FOXP1: variants seen among roughly 807,000 people sequenced by gnomAD.
FOXP1 encodes forkhead box P1.
FOXP1 carries 15 observed loss-of-function variants against 98.2 expected under a neutral mutation model. The ratio of observed to expected loss-of-function variants is 0.15; its 90% CI spans 0.10 to 0.24. FOXP1 has a LOEUF of 0.24. Ranked by LOEUF, FOXP1 falls within the 10% of genes least tolerant of loss-of-function variation. The pLI is 1.00. For synonymous variants in FOXP1, 371 were observed against 314.5 expected, an observed-to-expected ratio of 1.18 and a Z score of -1.90; for missense variants, 633 against 848.5, an observed-to-expected ratio of 0.75 and a Z score of 3.15.
At chr3:71,031,486 AT>A (rs1183238329) in intron 11 of FOXP1, among the ~76,000 whole-genome samples, 1 of 152,118 alleles carries the variant, frequency 6.6e-6, no homozygotes. Flanking sequence ...CTCCTGGTGA[AT>A]TTTCCAAAGT....
intron 4 of FOXP1, among the ~76,000 whole-genome samples, chr3:71,342,933 T>G (rs2077098703): frequency 6.6e-6 from 1 of 152,226 alleles, no homozygotes; most frequent in Non-Finnish European, 1.5e-5. Context: ...TTACTTCTTC[T>G]GTAACTCTAG....
At chr3:70,994,457 C>T (rs3914985) in intron 13 of FOXP1, among the ~76,000 whole-genome samples, 4,581 of 152,228 alleles carry the variant, frequency 0.03, 88 homozygotes, top group South Asian at 0.06. Context: ...ATCTAGGCAA[C>T]GTCTTCCATG....
intron 4 of FOXP1, chr3:71,329,810 C>T (rs75800575): frequency 6.6e-6 from 1 of 152,084 alleles, no homozygotes; most frequent in African/African-American, 2.4e-5. Flanking sequence ...ATACATGTTC[C>T]AAAACAGTAT....
In FOXP1 at chr3:71,522,951, T is replaced by G. The variant is rs565484238; in HGVS notation, c.-297-29396A>C. On this transcript the variant is annotated intron_variant, in intron 2 of 20. Transcript: ENST00000649528. Reference sequence around the variant, plus strand: ...CATTTAACTTTCCTGAATTCAACTATATGAACTGAGCGAAAAGAGAAGGTG... The same window carrying G: ...CATTTAACTTTCCTGAATTCAACTAGATGAACTGAGCGAAAAGAGAAGGTG... Among the ~76,000 whole-genome samples, 3 of 152,292 alleles carry G rather than the reference T, an allele frequency of 2.0e-5. 1 individual carries two copies. The South Asian group carries it at 6.2e-4, about 32-fold the overall frequency.
chr3:71,109,990 G>A (rs1031444108), intron 7 of FOXP1, among the ~76,000 whole-genome samples: 8 of 152,026 alleles, frequency 5.3e-5, no homozygotes, highest in Non-Finnish European at 1.0e-4. Flanking sequence ...CAAAACCAGC[G>A]TTCAAGATTA....
At chr3:70,959,677 C>T (rs1167989545) in intron 20 of FOXP1, among the ~76,000 whole-genome samples, 4 of 152,194 alleles carry the variant, frequency 2.6e-5, no homozygotes, top group Non-Finnish European at 4.4e-5. Flanking sequence ...TGCATCACTG[C>T]GTAAAGTTCT....
intron 3 of FOXP1, among the ~76,000 whole-genome samples, chr3:71,473,153 C>A (rs571806002): frequency 6.6e-6 from 1 of 152,288 alleles, no homozygotes; most frequent in African/African-American, 2.4e-5. Flanking sequence ...TTTAATCTCA[C>A]AGGAGCTCTC....
chr3:71,100,086 GTCT>G (rs1178365152), intron 7 of FOXP1, among the ~76,000 whole-genome samples: 1 of 152,288 alleles, frequency 6.6e-6, no homozygotes, highest in Non-Finnish European at 1.5e-5. Flanking sequence ...GGTCAGATAG[GTCT>G]ATGGCAAGCT....
intron 2 of FOXP1, among the ~76,000 whole-genome samples, chr3:71,569,901 G>A (rs1354703629): frequency 6.6e-6 from 1 of 151,862 alleles, no homozygotes; most frequent in Non-Finnish European, 1.5e-5. Flanking sequence ...TCCTGCCTCA[G>A]CCTCCCGAGT....
At chr3:71,497,789 CACTTCACT>C (rs1397009159) in intron 2 of FOXP1, among the ~76,000 whole-genome samples, 2 of 152,150 alleles carry the variant, frequency 1.3e-5, no homozygotes. Context: ...TGTTCTTTTC[CACTTCACT>C]ACAGCCCCAG....
At chr3:71,558,830 T>A (rs2046337243) in intron 2 of FOXP1, among the ~76,000 whole-genome samples, 1 of 118,878 alleles carries the variant, frequency 8.4e-6, no homozygotes, top group African/African-American at 3.4e-5. Flanking sequence ...TGAGGCAGAG[T>A]CTCGCTCTTT....
chr3:71,037,586 C>T (rs948447138), intron 11 of FOXP1, among the ~76,000 whole-genome samples: 2 of 152,178 alleles, frequency 1.3e-5, no homozygotes, highest in East Asian at 1.9e-4. Flanking sequence ...CCCTTAGCTG[C>T]GCCATTGAAC....
intron 3 of FOXP1, among the ~76,000 whole-genome samples, chr3:71,472,856 G>A (rs1011086235): frequency 2.0e-5 from 3 of 152,142 alleles, no homozygotes; most frequent in Non-Finnish European, 4.4e-5. Flanking sequence ...GCCATTTATG[G>A]TGTGCTCCAA....
chr3:71,202,755 A>G (rs534964192), intron 5 of FOXP1, among the ~76,000 whole-genome samples: 20 of 152,324 alleles, frequency 1.3e-4, no homozygotes, highest in African/African-American at 4.8e-4. Flanking sequence ...AAAGACAACA[A>G]TGAGAGTGGC....
At chr3:71,072,967 C>T (rs753659026) in intron 7 of FOXP1, among the ~76,000 whole-genome samples, 2 of 152,160 alleles carry the variant, frequency 1.3e-5, no homozygotes, top group African/African-American at 2.4e-5. Context: ...TGAGAAAATG[C>T]GTCTAGCCTG....
At chr3:71,173,693 C>T (rs894553966) in intron 6 of FOXP1, among the ~76,000 whole-genome samples, 1 of 152,126 alleles carries the variant, frequency 6.6e-6, no homozygotes, top group Non-Finnish European at 1.5e-5. Flanking sequence ...TTATCTCCTG[C>T]ATGGCTGATA....
chr3:71,185,906 A>G (rs1433253855), intron 6 of FOXP1, among the ~76,000 whole-genome samples: 2 of 152,176 alleles, frequency 1.3e-5, no homozygotes, highest in Non-Finnish European at 2.9e-5. Flanking sequence ...AATCCCACCA[A>G]CATAGACACA....
intron 6 of FOXP1, among the ~76,000 whole-genome samples, chr3:71,180,476 A>T (rs772600875): frequency 2.0e-5 from 3 of 152,104 alleles, no homozygotes; most frequent in Non-Finnish European, 4.4e-5. Context: ...AGAATTTAGC[A>T]AGAAAAAAAA....
intron 6 of FOXP1, among the ~76,000 whole-genome samples, chr3:71,149,248 A>T (rs1013853656): frequency 6.6e-6 from 1 of 152,254 alleles, no homozygotes; most frequent in African/African-American, 2.4e-5. Flanking sequence ...AAGGCAAGTT[A>T]TAAGTAATGA....
Sources: allele counts gnomAD v4.1 joint callset (sites outside exome capture counted in the v4.1 genomes callset), GRCh38; gene constraint gnomAD v4.1.1; transcripts MANE v1.5; gene names NCBI Gene and HGNC (gene_info 2026-07-23, HGNC 2026-07-21).